FHAD1: variants seen among roughly 807,000 people sequenced by gnomAD.
FHAD1 encodes the protein forkhead associated phosphopeptide binding domain 1, also known as forkhead-associated domain-containing protein 1.
Under a neutral mutation model 191.3 loss-of-function variants are expected in FHAD1, and 146 were observed. The ratio of observed to expected loss-of-function variants is 0.76; its 90% confidence interval spans 0.67 to 0.88. The LOEUF is 0.88. Among genes scored for constraint, FHAD1 ranks in the 40% least tolerant of loss-of-function variants. The probability of loss-of-function intolerance (pLI) is 0.00; values close to 1 mark genes in which losing one functional copy is unlikely to be tolerated. For missense variants in FHAD1, 1,635 were observed against 1,785.8 expected (o/e 0.92, Z 1.52); for synonymous variants, 616 against 672.3 (o/e 0.92, Z 1.29).
At chr1:15,345,797 T>A (rs114910734) in intron 18 of FHAD1, among the ~76,000 whole-genome samples, 1 of 152,068 alleles carries the variant, frequency 6.6e-6, no homozygotes, top group African/African-American at 2.4e-5. Flanking sequence ...AATGGTGACA[T>A]GGGCGTCTTC....
chr1:15,401,470 T>C (rs1707125337), downstream of FHAD1, among the ~76,000 whole-genome samples: 1 of 152,220 alleles, frequency 6.6e-6, no homozygotes, highest in African/African-American at 2.4e-5. Flanking sequence ...TTCAAGAAGC[T>C]AAGACACACA....
At chr1:15,291,386 T>G (rs960343238) in intron 4 of FHAD1, among the ~76,000 whole-genome samples, 1 of 152,236 alleles carries the variant, frequency 6.6e-6, no homozygotes, top group Non-Finnish European at 1.5e-5. Context: ...CTGGCCCATT[T>G]TGCTATACTC....
intron 3 of FHAD1, among the ~76,000 whole-genome samples, chr1:15,277,848 T>C (rs1216800840): frequency 6.6e-6 from 1 of 152,204 alleles, no homozygotes; most frequent in East Asian, 1.9e-4. Context: ...GATGATAATG[T>C]CTGGCGGCTA....
intron 28 of FHAD1, 60 bp from the exon 29 acceptor site, chr1:15,380,641 C>T (rs3737690): frequency 0.14 from 180,798 of 1,336,930 alleles, 13,565 homozygotes; most frequent in South Asian, 0.22. Context: ...CTTTAGCTTC[C>T]AGTCATAGAA....
rs189716110 is a variant in FHAD1 at position 15,289,744 on chromosome 1, C to T, written c.568+78C>T. The T allele has an allele frequency of 9.7e-5, 140 of 1,450,072 alleles. 1 individual carries two copies. Among genetic ancestry groups the T allele is most frequent in the Non-Finnish European group, 1.2e-4 (131 of 1,095,922 alleles). The allele number at this position is 1,450,072 out of a possible 1,614,324, so 89.8% of individuals were successfully genotyped here. On this transcript the variant is annotated intron_variant, in intron 4 of 33. Coordinates refer to ENST00000688493, the MANE Select transcript of FHAD1 (RefSeq NM_001391957.1). This position sits in a 1 kb window ranked among gnomAD's most constrained non-coding sequence, Gnocchi z 4.2. ...ATGGGTCTTGGTTTTGGTTTACTTT[C>T]TGATTCTAAAAGTAGAACATATTCA...
At chr1:15,238,073 C>T in intron 1 of FHAD1, among the ~76,000 whole-genome samples, 1 of 151,788 alleles carries the variant, frequency 6.6e-6, no homozygotes, top group African/African-American at 2.4e-5. Context: ...CTGGTAAAAC[C>T]CTGTCTCTAC....
intron 7 of FHAD1, among the ~76,000 whole-genome samples, chr1:15,309,973 G>A (rs1411437161): frequency 6.6e-6 from 1 of 152,184 alleles, no homozygotes; most frequent in African/African-American, 2.4e-5. Context: ...ATGGGACCTG[G>A]TGGGGTCAGG....
rs539418248 is a variant in FHAD1 at position 15,276,266 on chromosome 1, C to T, written c.300+3737C>T. 6.6e-6 allele frequency among the ~76,000 whole-genome samples: 1 copy of T among 152,138 alleles called. No homozygotes were observed. Among genetic ancestry groups the T allele is most frequent in the Non-Finnish European group, 1.5e-5 (1 of 68,014 alleles). ...AATTGCTTAGCCCAGTATCTGGTGC[C>T]TATGATAGCAGGAAGGTAAGAGGAG... On this transcript the variant is annotated intron_variant, in intron 3 of 33. Coordinates refer to ENST00000688493, the MANE Select transcript of FHAD1 (RefSeq NM_001391957.1). This position sits in a 1 kb window ranked among gnomAD's most constrained non-coding sequence, Gnocchi z 4.7.
intron 22 of FHAD1, among the ~76,000 whole-genome samples, chr1:15,361,862 G>C (rs939580753): frequency 6.6e-6 from 1 of 152,018 alleles, no homozygotes; most frequent in African/African-American, 2.4e-5. Flanking sequence ...AAAATTAGCC[G>C]GGCCTGGTGG....
chr1:15,265,238 TG>T (rs1239010074), intron 2 of FHAD1, among the ~76,000 whole-genome samples: 1 of 152,222 alleles, frequency 6.6e-6, no homozygotes, highest in East Asian at 1.9e-4. Flanking sequence ...TAGAACTCCC[TG>T]TAAAGGGCTG....
chr1:15,289,721 G>T lies in FHAD1; in HGVS notation c.568+55G>T. 14 of 1,494,512 alleles carry T rather than the reference G, an allele frequency of 9.4e-6. No individual in the cohort carries two copies. Among genetic ancestry groups the T allele is most frequent in the Non-Finnish European group, 1.3e-5 (14 of 1,115,684 alleles). 92.6% of individuals were successfully genotyped at this position (1,494,512 alleles called of 1,614,324 possible). A position where few individuals can be genotyped will look rare whatever the true frequency, so the allele number is the denominator to read the frequency against. On this transcript the variant is annotated intron_variant, in intron 4 of 33. Coordinates refer to ENST00000688493, the MANE Select transcript of FHAD1 (RefSeq NM_001391957.1). This position sits in a 1 kb window ranked among gnomAD's most constrained non-coding sequence, Gnocchi z 4.2. ...GGGGGTGGTTCACGGCCATGTGGAT[G>T]GGTCTTGGTTTTGGTTTACTTTCTG... is the stretch of plus-strand genomic sequence containing the variant.
chr1:15,332,343 C>G (rs1682033511), intron 14 of FHAD1, among the ~76,000 whole-genome samples: 1 of 152,172 alleles, frequency 6.6e-6, no homozygotes, highest in African/African-American at 2.4e-5. Flanking sequence ...GCACTGTCCC[C>G]TTCCCACTCC....
intron 18 of FHAD1, among the ~76,000 whole-genome samples, chr1:15,346,573 G>A (rs1158891612): frequency 1.3e-5 from 2 of 152,188 alleles, no homozygotes; most frequent in Non-Finnish European, 2.9e-5. Context: ...GGTAGCCTAG[G>A]GGAGGACTCC....
chr1:15,266,859 C>T (rs1022337872), intron 2 of FHAD1, among the ~76,000 whole-genome samples: 2 of 152,124 alleles, frequency 1.3e-5, no homozygotes, highest in Non-Finnish European at 2.9e-5. Context: ...TTTAGATTAG[C>T]TTTTTTCACT....
Position 15,377,812 on chromosome 1 carries a change from A to G in FHAD1, c.3705+2082A>G, listed in dbSNP as rs115578978. ...ACATGATTGCACTCTGGCCTGGGTG[A>G]CAGAATGAGACTTTGTCTCAAAAAA... is the stretch of plus-strand genomic sequence containing the variant. On this transcript the variant is annotated intron_variant, in intron 28 of 33. Transcript: ENST00000688493. Among the ~76,000 whole-genome samples, 1,040 of 152,158 alleles carry G rather than the reference A, an allele frequency of 6.8e-3. 10 individuals are homozygous for G. The highest frequency in any genetic ancestry group is 0.023 in the African/African-American group (958 of 41,518).
At chr1:15,380,581 G>A (rs879805378) in intron 28 of FHAD1, 120 bp from the exon 29 acceptor site, 25 of 741,284 alleles carry the variant, frequency 3.4e-5, no homozygotes, top group South Asian at 1.0e-4. Flanking sequence ...TGATCAGGAC[G>A]CGGACTGAAA....
intron 2 of FHAD1, among the ~76,000 whole-genome samples, chr1:15,253,772 C>A (rs114162811): frequency 3.2e-4 from 48 of 152,270 alleles, no homozygotes; most frequent in Non-Finnish European, 5.7e-4. Flanking sequence ...CTTATTTGAT[C>A]TGTACACTTT....
chr1:15,254,282 A>G (rs1243258440), intron 2 of FHAD1, among the ~76,000 whole-genome samples: 1 of 152,244 alleles, frequency 6.6e-6, no homozygotes, highest in Non-Finnish European at 1.5e-5. Context: ...CTTTGGAGAT[A>G]GACCTGGATT....
chr1:15,348,527 C>T (rs2102411036), intron 18 of FHAD1, among the ~76,000 whole-genome samples: 1 of 152,336 alleles, frequency 6.6e-6, no homozygotes. Flanking sequence ...CAGAACATTG[C>T]TTGTCCCTTC....
Sources: allele counts gnomAD v4.1 joint callset (sites outside exome capture counted in the v4.1 genomes callset), GRCh38; gene constraint gnomAD v4.1.1; non-coding constraint Gnocchi (gnomAD v3.1); transcripts MANE v1.5; gene names NCBI Gene and HGNC (gene_info 2026-07-23, HGNC 2026-07-21).